The following CASD1 variants were observed in gnomAD, a reference collection of about 807,000 sequenced individuals.
The protein encoded by CASD1 is CAS1 domain sialic acid O acetyltransferase 1, also known as N-acetylneuraminate (7)9-O-acetyltransferase.
Under a neutral mutation model 100.0 loss-of-function variants are expected in CASD1, and 41 were observed. The observed-to-expected ratio is 0.41, with a 90% CI of 0.32 to 0.53. The LOEUF (loss-of-function observed/expected upper bound fraction) is 0.53, where lower values mean the gene tolerates loss of function less well. CASD1 is among the 20% of genes least tolerant of loss of function. The pLI, the probability that CASD1 is intolerant of heterozygous loss-of-function variation, is 0.25. For missense variants in CASD1, 774 were observed against 948.7 expected, an observed-to-expected ratio of 0.82 and a Z score of 2.42; for synonymous variants, 321 against 315.6, an observed-to-expected ratio of 1.02 and a Z score of -0.18.
chr7:94,633,624 A>C, the CASD1 span, among the ~76,000 whole-genome samples: 1 of 151,078 alleles, frequency 6.6e-6, no homozygotes, highest in African/African-American at 2.4e-5. Context: ...AAGCAGTAGC[A>C]AAAAAAAAGG....
downstream of CASD1, among the ~76,000 whole-genome samples, chr7:94,562,007 C>A (rs1584447667): frequency 6.6e-6 from 1 of 152,138 alleles, no homozygotes; most frequent in African/African-American, 2.4e-5. Flanking sequence ...ATAAACAATT[C>A]TATGAAACTC....
chr7:94,559,707 G>T (rs935405864), downstream of CASD1, among the ~76,000 whole-genome samples: 3 of 152,014 alleles, frequency 2.0e-5, no homozygotes, highest in Admixed American at 2.0e-4. Context: ...TATATTTTTA[G>T]TAGAGACGGG....
downstream of CASD1, among the ~76,000 whole-genome samples, chr7:94,557,548 A>G (rs545283836): frequency 3.9e-5 from 6 of 152,150 alleles, no homozygotes; most frequent in East Asian, 1.2e-3. Context: ...TCACCTGAAA[A>G]AGATTCTTCT....
At chr7:94,599,853 A>C in the CASD1 span, 1 of 732,398 alleles carries the variant, frequency 1.4e-6, no homozygotes, top group Admixed American at 1.9e-5. Flanking sequence ...ACCAGGCAGC[A>C]TTTGCCACCA....
the CASD1 span, among the ~76,000 whole-genome samples, chr7:94,611,498 G>T: frequency 6.6e-6 from 1 of 151,746 alleles, no homozygotes; most frequent in Non-Finnish European, 1.5e-5. Context: ...GGTGGGGGTG[G>T]GGGTGACTTC....
rs570261426 is a variant in CASD1 at position 94,523,436 on chromosome 7, T to G, written c.352-3726T>G. Among the ~76,000 whole-genome samples, 96 of 152,348 alleles carry G rather than the reference T, an allele frequency of 6.3e-4. 1 individual carries two copies. Among genetic ancestry groups the G allele is most frequent in the Admixed American group, 2.9e-3 (44 of 15,302 alleles). On this transcript the variant is annotated intron_variant, in intron 3 of 17. Transcript: ENST00000297273. Reference sequence around the variant, plus strand: ...CCAACAATGTAAAGTTCTAAAGGCTTTTAAAATATACCGTGTGCAATGGTA... The same window carrying G: ...CCAACAATGTAAAGTTCTAAAGGCTGTTAAAATATACCGTGTGCAATGGTA...
rs888348975 is a variant in CASD1, at chr7:94,510,109, G to A, written c.25G>A (p.Gly9Ser). Reference protein sequence around the residue: MAALAYNLGKREINHYFSV... With the variant: MAALAYNLSKREINHYFSV... ...GATGGCGGCTCTGGCCTACAACCTG[G>A]GCAAGCGGGAGATCAACCACTACTT... is the stretch of plus-strand genomic sequence containing the variant. The change falls in exon 1 of 18, where the codon GGC (glycine) becomes AGC (serine). Residue 9 changes from glycine (G) to serine (S), a missense_variant. This residue lies in a region of CASD1 where 75 missense variants were observed against 60.9 expected (regional missense o/e 1.23). Transcript: ENST00000297273. 3.3e-6 allele frequency: 5 copies of A among 1,530,042 alleles called. No homozygotes were observed. The highest frequency in any genetic ancestry group is 2.6e-5 in the East Asian group (1 of 39,182). 94.8% of individuals were successfully genotyped at this position (1,530,042 alleles called of 1,614,324 possible). A position where few individuals can be genotyped will look rare whatever the true frequency, so the allele number is the denominator to read the frequency against.
At chr7:94,519,454 GTGA>G (rs1368764021) in intron 3 of CASD1, among the ~76,000 whole-genome samples, 3 of 152,128 alleles carry the variant, frequency 2.0e-5, no homozygotes, top group Non-Finnish European at 4.4e-5. Context: ...TATTAACATA[GTGA>G]TGATGATACC....
chr7:94,594,729 A>G, the CASD1 span, among the ~76,000 whole-genome samples: 4 of 152,286 alleles, frequency 2.6e-5, no homozygotes, highest in Admixed American at 6.5e-5. Context: ...TTATCTTTGT[A>G]ACTTTCCTGT....
At chr7:94,633,350 G>C in the CASD1 span, among the ~76,000 whole-genome samples, 3 of 152,062 alleles carry the variant, frequency 2.0e-5, no homozygotes, top group African/African-American at 7.2e-5. Context: ...TCTGAAGACA[G>C]GTAGTCATAA....
the CASD1 span, among the ~76,000 whole-genome samples, chr7:94,570,419 C>G: frequency 1.1e-4 from 16 of 152,158 alleles, no homozygotes; most frequent in Non-Finnish European, 1.5e-4. Context: ...ACTGTATCCC[C>G]TTTTATGTTA....
intron 11 of CASD1, among the ~76,000 whole-genome samples, chr7:94,544,955 A>T (rs753420930): frequency 7.2e-5 from 11 of 152,254 alleles, no homozygotes; most frequent in Non-Finnish European, 1.5e-4. Context: ...ACAGATGAGG[A>T]ATCTAAGGCT....
chr7:94,585,889 C>T, the CASD1 span, among the ~76,000 whole-genome samples: 1 of 151,598 alleles, frequency 6.6e-6, no homozygotes, highest in East Asian at 1.9e-4. Context: ...ATGAGAAAAC[C>T]TGAAGGGGCA....
At chr7:94,510,367 G>A (rs1480931396) in intron 1 of CASD1, 150 bp downstream of exon 1, 1 of 533,456 alleles carries the variant, frequency 1.9e-6, no homozygotes, top group Non-Finnish European at 2.9e-6. Context: ...GTCCCCAGCA[G>A]CGGCCGGCGC....
At chr7:94,628,534 C>T in the CASD1 span, 1 of 572,824 alleles carries the variant, frequency 1.7e-6, no homozygotes, top group South Asian at 2.2e-5. Flanking sequence ...TAAAAAAAAT[C>T]CTTTTGGTTG....
intron 16 of CASD1, 38 bp from the exon 17 acceptor site, chr7:94,554,445 A>C (rs995165612): frequency 1.2e-5 from 16 of 1,302,996 alleles, no homozygotes; most frequent in African/African-American, 4.4e-5. Context: ...TTTTCAATAA[A>C]GAGATTATTA....
intron 15 of CASD1, 82 bp downstream of exon 15, chr7:94,551,560 A>G (rs762185594): frequency 4.7e-5 from 27 of 572,016 alleles, no homozygotes; most frequent in Non-Finnish European, 6.4e-5. Flanking sequence ...ATTATTTTTA[A>G]TAATAAATCT....
At chr7:94,582,410 A>G in the CASD1 span, among the ~76,000 whole-genome samples, 3 of 152,182 alleles carry the variant, frequency 2.0e-5, no homozygotes, top group Non-Finnish European at 4.4e-5. Flanking sequence ...GGCGTGAGCC[A>G]CTGCACCTGG....
At chr7:94,527,265 A>G in intron 4 of CASD1, 59 bp downstream of exon 4, 1 of 1,175,818 alleles carries the variant, frequency 8.5e-7, no homozygotes, top group Non-Finnish European at 1.3e-6. Context: ...TCATTGGTTA[A>G]TTGAACATAC....
Sources: gnomAD v4.1 joint callset for allele counts (sites outside exome capture counted in the v4.1 genomes callset) on GRCh38, gnomAD v4.1.1 for gene constraint, gnomAD v4.1.1 regional missense constraint, MANE v1.5 for transcripts, NCBI Gene and HGNC (gene_info 2026-07-23, HGNC 2026-07-21) for gene names.